Variants in DHX15 observed in about 807,000 individuals in gnomAD.
DHX15 encodes the protein ATP-dependent RNA helicase DHX15.
In DHX15, 11 loss-of-function variants were observed where a neutral mutation model predicts 94.4. That is an observed-to-expected ratio of 0.12 (90% CI 0.07 to 0.19). The LOEUF (loss-of-function observed/expected upper bound fraction) is 0.19. DHX15 is among the 10% of genes least tolerant of loss of function. The pLI is 1.00. For synonymous variants in DHX15, 338 were observed against 329.9 expected, an observed-to-expected ratio of 1.02 and a Z score of -0.27; for missense variants, 304 against 988.5, an observed-to-expected ratio of 0.31 and a Z score of 9.29.
At chr4:24,540,704 T>TA (rs1721291772) in intron 9 of DHX15, 136 bp downstream of exon 9, 1 of 524,092 alleles carries the variant, frequency 1.9e-6, no homozygotes, top group Non-Finnish European at 3.4e-6. Flanking sequence ...TGCTATCATG[T>TA]AAGACTTAAT....
At chr4:24,573,599 C>G (rs555490073) in intron 2 of DHX15, among the ~76,000 whole-genome samples, 1 of 152,184 alleles carries the variant, frequency 6.6e-6, no homozygotes, top group South Asian at 2.1e-4. Flanking sequence ...TCAATATGTT[C>G]ACTAGACAGG....
chr4:24,575,541 C>G (rs184838100), intron 2 of DHX15, among the ~76,000 whole-genome samples: 2 of 152,244 alleles, frequency 1.3e-5, no homozygotes, highest in East Asian at 3.9e-4. Flanking sequence ...AATAGTTTCC[C>G]ACGTGTTCTC....
chr4:24,534,254 T>C (rs967535022), intron 11 of DHX15: 43 of 152,336 alleles, frequency 2.8e-4, no homozygotes, highest in Admixed American at 2.6e-3. Context: ...ATTTTACTTA[T>C]GCTGATGCTC....
intron 3 of DHX15, among the ~76,000 whole-genome samples, chr4:24,558,282 T>C (rs1721786458): frequency 6.6e-6 from 1 of 152,108 alleles, no homozygotes; most frequent in South Asian, 2.1e-4. Flanking sequence ...TGAGACACAT[T>C]GTAACTTCAG....
Position 24,527,895 on chromosome 4 carries a change from C to T in DHX15, c.*29G>A, listed in dbSNP as rs769770836. 1.9e-5 allele frequency: 29 copies of T among 1,518,920 alleles called. No homozygotes were observed. The Admixed American group carries it at 4.9e-4, about 25-fold the overall frequency. The allele number at this position is 1,518,920 out of a possible 1,614,324, so 94.1% of individuals were successfully genotyped here. ...TTCATTCATCTTTTAAAGCTGTCCT[C>T]TCAATAACTTCAGTTCTAAGCACTG... On this transcript the variant is annotated 3_prime_UTR_variant, in exon 14 of 14. Coordinates refer to ENST00000336812, the MANE Select transcript of DHX15 (RefSeq NM_001358.3).
intron 1 of DHX15, 41 bp downstream of exon 1, chr4:24,584,282 C>G (rs1235173230): frequency 1.0e-5 from 16 of 1,589,972 alleles, no homozygotes; most frequent in Non-Finnish European, 1.4e-5. Context: ...AGGACCCCAA[C>G]AAAGCCCGAG....
At chr4:24,550,664 T>C (rs1721582009) in intron 5 of DHX15, among the ~76,000 whole-genome samples, 1 of 152,164 alleles carries the variant, frequency 6.6e-6, no homozygotes, top group Admixed American at 6.5e-5. Flanking sequence ...GGAGCTGTCA[T>C]CTCCTGTGAT....
chr4:24,575,684 A>C (rs767119182), intron 2 of DHX15, among the ~76,000 whole-genome samples: 7 of 152,186 alleles, frequency 4.6e-5, no homozygotes, highest in African/African-American at 7.2e-5. Flanking sequence ...CATGCAAAAC[A>C]ACCATGGGAA....
chr4:24,556,788 AT>A (rs1721746020), intron 3 of DHX15, among the ~76,000 whole-genome samples: 1 of 152,210 alleles, frequency 6.6e-6, no homozygotes, highest in African/African-American at 2.4e-5. Context: ...CTAATAAACC[AT>A]TTTAAGTTGC....
intron 6 of DHX15, among the ~76,000 whole-genome samples, chr4:24,546,712 CTATT>C (rs1190240390): frequency 1.3e-5 from 2 of 152,038 alleles, no homozygotes; most frequent in African/African-American, 4.8e-5. Context: ...GTTATAAAAT[CTATT>C]TTTCATAAAC....
intron 3 of DHX15, among the ~76,000 whole-genome samples, chr4:24,568,722 G>C (rs1468758339): frequency 6.6e-6 from 1 of 152,176 alleles, no homozygotes; most frequent in Non-Finnish European, 1.5e-5. Context: ...AATCAAGTCA[G>C]AATAATGATA....
At chr4:24,569,462 C>G (rs1376549545) in intron 3 of DHX15, among the ~76,000 whole-genome samples, 2 of 151,858 alleles carry the variant, frequency 1.3e-5, no homozygotes, top group African/African-American at 4.8e-5. Flanking sequence ...CATGGTGGCG[C>G]ACACCTATAG....
intron 6 of DHX15, among the ~76,000 whole-genome samples, chr4:24,545,635 C>A (rs1293874499): frequency 6.6e-6 from 1 of 152,150 alleles, no homozygotes; most frequent in Admixed American, 6.6e-5. Context: ...ACACACAATG[C>A]AAAAGCGAAC....
chr4:24,537,933 T>C lies in DHX15; in HGVS notation c.1787-760A>G, dbSNP rs563719892. ...AAACTTATTTGAATCAAAACCTCAATATAAAAGCAAAGTCCAATATTTCAA... is the reference window on the plus strand; with the variant it reads ...AAACTTATTTGAATCAAAACCTCAACATAAAAGCAAAGTCCAATATTTCAA... On this transcript the variant is annotated intron_variant, in intron 10 of 13. Coordinates refer to ENST00000336812, the MANE Select transcript of DHX15 (RefSeq NM_001358.3). The surrounding 1 kb of genome is among the most constrained non-coding windows in gnomAD (Gnocchi z 4.7). 3.3e-5 allele frequency: 5 copies of C among 152,318 alleles called. No homozygotes were observed. The highest frequency in any genetic ancestry group is 1.9e-4 in the East Asian group (1 of 5,190). The allele number at this position is 152,318 out of a possible 1,614,324, so 9.4% of individuals were successfully genotyped here.
chr4:24,527,859 G>A lies in DHX15; in HGVS notation c.*65C>T, dbSNP rs1242675268. 5.0e-6 allele frequency: 6 copies of A among 1,192,986 alleles called. No homozygotes were observed. The highest frequency in any genetic ancestry group is 1.5e-5 in the African/African-American group (1 of 66,628). 73.9% of individuals were successfully genotyped at this position (1,192,986 alleles called of 1,614,324 possible). A position where few individuals can be genotyped will look rare whatever the true frequency, so the allele number is the denominator to read the frequency against. Reference sequence around the variant, plus strand: ...CGAACCAACGTGAAGAGCACAACTCGAACTTTTGAGTTCATTCATCTTTTA... The same window carrying A: ...CGAACCAACGTGAAGAGCACAACTCAAACTTTTGAGTTCATTCATCTTTTA... On this transcript the variant is annotated 3_prime_UTR_variant, in exon 14 of 14. Transcript: ENST00000336812.
chr4:24,544,020 AG>A (rs1721372481), intron 6 of DHX15, among the ~76,000 whole-genome samples: 1 of 152,182 alleles, frequency 6.6e-6, no homozygotes, highest in African/African-American at 2.4e-5. Flanking sequence ...AGCAAAGTCA[AG>A]AAAAGCTTTA....
Position 24,556,215 on chromosome 4 carries a change from C to T in DHX15, c.861+36G>A. On this transcript the variant is annotated intron_variant, in intron 4 of 13. Transcript: ENST00000336812. ...CCCCATTTTTATGCCCACATACACA[C>T]ATATATAGTTAAATGGAGAGAAGAA... The T allele has an allele frequency of 2.5e-6, 4 of 1,595,514 alleles. No individual in the cohort carries two copies. In the South Asian group the frequency reaches 3.3e-5, roughly 13 times the overall value.
At chr4:24,584,175 T>G in intron 1 of DHX15, 148 bp downstream of exon 1, 1 of 838,234 alleles carries the variant, frequency 1.2e-6, no homozygotes, top group East Asian at 2.9e-5. Context: ...GGCGCCGCGC[T>G]TCTCCTACCC....
intron 5 of DHX15, among the ~76,000 whole-genome samples, chr4:24,554,423 C>T (rs1577341569): frequency 6.6e-6 from 1 of 152,172 alleles, no homozygotes; most frequent in African/African-American, 2.4e-5. Context: ...AGCTGTGATG[C>T]ACATTCATGC....
Sources: gnomAD v4.1 joint callset for allele counts (sites outside exome capture counted in the v4.1 genomes callset) on GRCh38, gnomAD v4.1.1 for gene constraint, Gnocchi (gnomAD v3.1) non-coding constraint, MANE v1.5 for transcripts, NCBI Gene and HGNC (gene_info 2026-07-23, HGNC 2026-07-21) for gene names.